Variants in EIF2AK4 observed in about 807,000 individuals in gnomAD.
EIF2AK4 encodes the protein eukaryotic translation initiation factor 2 alpha kinase 4.
In EIF2AK4, 139 loss-of-function variants were observed where a neutral mutation model predicts 211.1. The observed-to-expected ratio is 0.66, with a 90% CI of 0.57 to 0.76. The LOEUF (loss-of-function observed/expected upper bound fraction) is 0.76. Among genes scored for constraint, EIF2AK4 ranks in the 30% least tolerant of loss-of-function variants. The pLI is 0.00. For synonymous variants in EIF2AK4, 710 were observed against 751.3 expected, an observed-to-expected ratio of 0.94 and a Z score of 0.90; for missense variants, 1,664 against 2,043.8, an observed-to-expected ratio of 0.81 and a Z score of 3.58.
chr15:39,935,068 C>A (rs891218362), intron 1 of EIF2AK4, among the ~76,000 whole-genome samples: 3 of 152,044 alleles, frequency 2.0e-5, no homozygotes, highest in African/African-American at 7.2e-5. Flanking sequence ...CGCAAAAAAA[C>A]CTCAATGTTT....
chr15:40,025,235 G>T (rs1273767597), intron 32 of EIF2AK4, among the ~76,000 whole-genome samples: 1 of 152,198 alleles, frequency 6.6e-6, no homozygotes, highest in African/African-American at 2.4e-5. Context: ...AGCAGAAAAT[G>T]GTTATAGCTA....
At chr15:39,978,223 G>A (rs2034728769) in intron 13 of EIF2AK4, 76 bp downstream of exon 13, 2 of 764,086 alleles carry the variant, frequency 2.6e-6, no homozygotes, top group Admixed American at 5.2e-5. Context: ...CTTAGGTAAA[G>A]TATTAAGGCT....
intron 4 of EIF2AK4, 72 bp downstream of exon 4, chr15:39,949,340 G>C: frequency 1.3e-6 from 2 of 1,566,910 alleles, no homozygotes; most frequent in Non-Finnish European, 1.7e-6. Context: ...GGTTTTATCT[G>C]TCTCTGCCTA....
At chr15:39,975,416 G>A (rs1489762798) in intron 11 of EIF2AK4, 1 of 152,204 alleles carries the variant, frequency 6.6e-6, no homozygotes, top group African/African-American at 2.4e-5. Flanking sequence ...AAACTTGTGA[G>A]CCAAACAAGA....
Position 39,997,039 on chromosome 15 carries a change from A to C in EIF2AK4, c.2842A>C (p.Ile948Leu). The change falls in exon 19 of 39, where the codon ATC becomes CTC. Residue 948 changes from isoleucine to leucine, a missense_variant. This residue lies in a region of EIF2AK4 where 622 missense variants were observed against 796.8 expected (regional missense o/e 0.78). Transcript: ENST00000263791. Reference sequence around the variant, plus strand: ...CCCCATGGTCACGGCTTCAGAAAGGATCTTTGTTCTCAACCAACTCAGAGA... The same window carrying C: ...CCCCATGGTCACGGCTTCAGAAAGGCTCTTTGTTCTCAACCAACTCAGAGA... Reference protein sequence around the residue: ...YHPMVTASERIFVLNQLRDPT... With the variant: ...YHPMVTASERLFVLNQLRDPT... 6.2e-7 allele frequency: 1 copy of C among 1,613,894 alleles called. No individual in the cohort carries two copies. The highest frequency in any genetic ancestry group is 8.5e-7 in the Non-Finnish European group (1 of 1,179,820).
chr15:40,000,821 T>C lies in EIF2AK4; in HGVS notation c.2923-167T>C, dbSNP rs75059472. Among the ~76,000 whole-genome samples the C allele has an allele frequency of 0.018, 2,468 of 140,694 alleles. 57 individuals carry two copies. Among genetic ancestry groups the C allele is most frequent in the African/African-American group, 0.06 (2,361 of 39,484 alleles). 92.3% of individuals were successfully genotyped at this position (140,694 alleles called of 152,430 possible). ...ACATTGTTGCACAACTCTGTGGTCATAATAAAGCAGAAAAAATAATGACCT... is the reference window on the plus strand; with the variant it reads ...ACATTGTTGCACAACTCTGTGGTCACAATAAAGCAGAAAAAATAATGACCT... On this transcript the variant is annotated intron_variant, in intron 20 of 38. Coordinates refer to ENST00000263791, the MANE Select transcript of EIF2AK4 (RefSeq NM_001013703.4).
rs190509050 is a variant in EIF2AK4, at chr15:39,947,974, A to G, written c.361-1142A>G. Among the ~76,000 whole-genome samples the G allele has an allele frequency of 1.3e-3, 200 of 152,356 alleles. 2 individuals carry two copies. Among genetic ancestry groups the G allele is most frequent in the Middle Eastern group, 3.4e-3 (1 of 294 alleles). ...TTAGAAGTGGTTTCTCTTTGACATG[A>G]TAGAAATTGCCTACTTTCCCCAGCT... is the stretch of plus-strand genomic sequence containing the variant. On this transcript the variant is annotated intron_variant, in intron 3 of 38. Coordinates refer to ENST00000263791, the MANE Select transcript of EIF2AK4 (RefSeq NM_001013703.4).
chr15:40,018,229 T>G (rs1411372342), intron 29 of EIF2AK4, among the ~76,000 whole-genome samples: 2 of 152,208 alleles, frequency 1.3e-5, no homozygotes, highest in Non-Finnish European at 2.9e-5. Flanking sequence ...GATGAGAAAT[T>G]TGCTGTTATT....
At chr15:39,940,837 C>T (rs1002120177) in intron 2 of EIF2AK4, among the ~76,000 whole-genome samples, 15 of 152,214 alleles carry the variant, frequency 9.9e-5, no homozygotes, top group African/African-American at 3.6e-4. Flanking sequence ...ATTTCTGATG[C>T]TAGTGGCAAG....
chr15:40,022,580 C>G lies in EIF2AK4; in HGVS notation c.4364C>G (p.Ser1455Trp). The G allele has an allele frequency of 6.2e-7, 1 of 1,614,120 alleles. No individual in the cohort carries two copies. The highest frequency in any genetic ancestry group is 8.5e-7 in the Non-Finnish European group (1 of 1,180,020). The change falls in exon 32 of 39, where the codon TCG (serine) becomes TGG (tryptophan). Residue 1455 changes from serine (S) to tryptophan (W), a missense_variant. Coordinates refer to ENST00000263791, the MANE Select transcript of EIF2AK4 (RefSeq NM_001013703.4). ...HHEITYVALVSDKEGSHVKVK... is the reference protein window; with the variant it reads ...HHEITYVALVWDKEGSHVKVK... ...GAAATCACCTATGTGGCCCTTGTCT[C>G]GGATAAAGAAGGAAGCCATGTCAAG...
At chr15:39,942,511 C>T (rs1038795940) in intron 2 of EIF2AK4, among the ~76,000 whole-genome samples, 2 of 152,194 alleles carry the variant, frequency 1.3e-5, no homozygotes, top group African/African-American at 4.8e-5. Flanking sequence ...CTCAAGACTT[C>T]ACTGGTTAAA....
At chr15:39,941,587 C>G (rs2034145664) in intron 2 of EIF2AK4, among the ~76,000 whole-genome samples, 1 of 152,024 alleles carries the variant, frequency 6.6e-6, no homozygotes, top group Non-Finnish European at 1.5e-5. Context: ...TATATAAGTG[C>G]TAAAATATTA....
intron 27 of EIF2AK4, among the ~76,000 whole-genome samples, chr15:40,011,560 T>G (rs772682103): frequency 7.2e-5 from 11 of 152,200 alleles, no homozygotes; most frequent in Non-Finnish European, 1.2e-4. Context: ...TCTCCATGCT[T>G]CTTCTTGATA....
At position 39,951,375 on chromosome 15, in the gene EIF2AK4, C is replaced by T. The variant is rs192938929; in HGVS notation, c.513+2107C>T. ...CCGACCCACAGTGGATTCTTAAGCA[C>T]GCTCTCCATGTATGTGTCATGCTAG... On this transcript the variant is annotated intron_variant, in intron 4 of 38. Coordinates refer to ENST00000263791, the MANE Select transcript of EIF2AK4 (RefSeq NM_001013703.4). 1.2e-4 allele frequency: 30 copies of T among 245,580 alleles called. 1 individual carries two copies. The highest frequency in any genetic ancestry group is 1.2e-3 in the Admixed American group (22 of 18,178). 15.2% of individuals were successfully genotyped at this position (245,580 alleles called of 1,614,324 possible).
At chr15:40,011,473 TC>T (rs1010874163) in intron 27 of EIF2AK4, 127 bp downstream of exon 27, 9 of 713,608 alleles carry the variant, frequency 1.3e-5, no homozygotes, top group Non-Finnish European at 1.9e-5. Flanking sequence ...ATGCAGTTTT[TC>T]CCTTGAGTGT....
intron 19 of EIF2AK4, among the ~76,000 whole-genome samples, chr15:39,998,406 T>G (rs2035049482): frequency 1.3e-5 from 2 of 152,058 alleles, no homozygotes; most frequent in African/African-American, 2.4e-5. Flanking sequence ...GAAATTTCCA[T>G]TTATGTTTTT....
intron 1 of EIF2AK4, among the ~76,000 whole-genome samples, chr15:39,936,676 T>C (rs1007827558): frequency 5.3e-5 from 8 of 152,302 alleles, no homozygotes; most frequent in Middle Eastern, 3.4e-3. Context: ...CCCAAAGTCC[T>C]GGGATTACAG....
Position 39,976,748 on chromosome 15 carries a change from C to T in EIF2AK4, c.2153C>T (p.Ser718Leu), listed in dbSNP as rs749142071. Residue 718 changes from serine to leucine, a missense_variant, in exon 12 of 39, where the codon TCG becomes TTG. Physicochemically the swap from Ser to Leu is moderately radical, Grantham distance 145. This residue lies in a region of EIF2AK4 where 206 missense variants were observed against 201.9 expected (regional missense o/e 1.02). Coordinates refer to ENST00000263791, the MANE Select transcript of EIF2AK4 (RefSeq NM_001013703.4). ...GAGTGGAGCACTTCGGGCGAGCGCT[C>T]GGCCAGTGCCCGTTTCCCCGCCACC... ...SVEWSTSGER[S>L]ASARFPATGP... 6 of 1,598,926 alleles carry T rather than the reference C, an allele frequency of 3.8e-6. No homozygotes were observed. Among genetic ancestry groups the T allele is most frequent in the Admixed American group, 3.4e-5 (2 of 58,426 alleles).
At chr15:40,011,573 C>T (rs1177045243) in intron 27 of EIF2AK4, among the ~76,000 whole-genome samples, 2 of 152,202 alleles carry the variant, frequency 1.3e-5, no homozygotes, top group African/African-American at 4.8e-5. Flanking sequence ...TCTTGATACG[C>T]TGTAATCATC....
Sources: gnomAD v4.1 joint callset for allele counts (sites outside exome capture counted in the v4.1 genomes callset) on GRCh38, gnomAD v4.1.1 for gene constraint, gnomAD v4.1.1 regional missense constraint, MANE v1.5 for transcripts, NCBI Gene and HGNC (gene_info 2026-07-23, HGNC 2026-07-21) for gene names.